MRPL13: variants seen among roughly 807,000 people sequenced by gnomAD.
MRPL13 encodes large ribosomal subunit protein uL13m.
MRPL13 carries 33 observed loss-of-function variants against 29.0 expected under a neutral mutation model. The observed-to-expected ratio is 1.14, with a 90% CI of 0.86 to 1.52. The LOEUF (loss-of-function observed/expected upper bound fraction) is 1.52, where lower values mean the gene tolerates loss of function less well. Among genes scored for constraint, MRPL13 ranks in the 40% most tolerant of loss-of-function variants. The pLI is 0.00. For missense variants in MRPL13, 227 were observed against 216.7 expected, an observed-to-expected ratio of 1.05 and a Z score of -0.30; for synonymous variants, 77 against 68.4, an observed-to-expected ratio of 1.13 and a Z score of -0.62.
chr8:120,431,901 T>C (rs1180695379), intron 3 of MRPL13, 129 bp downstream of exon 3: 28 of 603,534 alleles, frequency 4.6e-5, no homozygotes. Flanking sequence ...ATTATATACA[T>C]GGCATGAGTA....
rs1813142267 is a variant in MRPL13 at position 120,443,069 on chromosome 8, A to G, written c.151+116T>C. 4.8e-6 allele frequency: 5 copies of G among 1,033,440 alleles called. No individual in the cohort carries two copies. In the South Asian group the frequency reaches 1.7e-4, roughly 35 times the overall value. The allele number at this position is 1,033,440 out of a possible 1,614,324, so 64.0% of individuals were successfully genotyped here. On this transcript the variant is annotated intron_variant, in intron 2 of 6. Coordinates refer to ENST00000306185, the MANE Select transcript of MRPL13 (RefSeq NM_014078.6). ...TATGGTTTCAGCAAGAATGGAATAC[A>G]GGATCCTCAGGAAAAATAAAAAGGG...
chr8:120,421,343 C>T (rs1454749876), intron 4 of MRPL13, among the ~76,000 whole-genome samples: 1 of 151,760 alleles, frequency 6.6e-6, no homozygotes, highest in Non-Finnish European at 1.5e-5. Flanking sequence ...TAATCTACAT[C>T]ATTATGAAAA....
chr8:120,412,937 A>G, intron 6 of MRPL13, among the ~76,000 whole-genome samples: 1 of 152,294 alleles, frequency 6.6e-6, no homozygotes, highest in Admixed American at 6.5e-5. Flanking sequence ...AAAAATAAAA[A>G]TAAAAATAAA....
At chr8:120,437,381 G>T (rs906286268) in intron 2 of MRPL13, among the ~76,000 whole-genome samples, 5 of 152,068 alleles carry the variant, frequency 3.3e-5, no homozygotes, top group Non-Finnish European at 7.4e-5. Context: ...ATTCAATGCA[G>T]AACAGAAATA....
chr8:120,444,667 A>G (rs1813179302), intron 1 of MRPL13, among the ~76,000 whole-genome samples: 1 of 152,182 alleles, frequency 6.6e-6, no homozygotes, highest in Non-Finnish European at 1.5e-5. Flanking sequence ...CCCAGCAGCC[A>G]GAGTGCTCCT....
In MRPL13 at chr8:120,400,348, A is replaced by G. The variant is rs376889888; in HGVS notation, c.516-4223T>C. Among the ~76,000 whole-genome samples, 110 of 152,320 alleles carry G rather than the reference A, an allele frequency of 7.2e-4. 1 individual carries two copies. Among genetic ancestry groups the G allele is most frequent in the African/African-American group, 2.5e-3 (105 of 41,578 alleles). On this transcript the variant is annotated intron_variant, in intron 6 of 6. Coordinates refer to ENST00000306185, the MANE Select transcript of MRPL13 (RefSeq NM_014078.6). ...CACTCAAAACCACACAACTATATGG[A>G]AACCGAACAATCTGCTCCTGAATGA...
intron 6 of MRPL13, among the ~76,000 whole-genome samples, chr8:120,409,441 T>C (rs1170014562): frequency 6.6e-6 from 1 of 152,196 alleles, no homozygotes; most frequent in African/African-American, 2.4e-5. Flanking sequence ...GGTTGTGAAA[T>C]GTGTTGGCAA....
At chr8:120,442,939 G>A (rs1813140456) in intron 2 of MRPL13, among the ~76,000 whole-genome samples, 1 of 152,074 alleles carries the variant, frequency 6.6e-6, no homozygotes, top group South Asian at 2.1e-4. Flanking sequence ...GAAAAGAAGG[G>A]CTACTAATAA....
chr8:120,443,556 A>G (rs1040779016), intron 1 of MRPL13, among the ~76,000 whole-genome samples: 2 of 151,762 alleles, frequency 1.3e-5, no homozygotes, highest in African/African-American at 4.8e-5. Flanking sequence ...GTTTCCTGTT[A>G]GCAATATGAC....
chr8:120,426,865 T>C (rs1316806114), intron 3 of MRPL13, among the ~76,000 whole-genome samples: 2 of 152,144 alleles, frequency 1.3e-5, no homozygotes, highest in Non-Finnish European at 2.9e-5. Context: ...CTATTTAAAA[T>C]TAAACAATTC....
At chr8:120,404,208 A>G (rs912430205) in intron 6 of MRPL13, among the ~76,000 whole-genome samples, 1 of 152,198 alleles carries the variant, frequency 6.6e-6, no homozygotes, top group South Asian at 2.1e-4. Context: ...AGGTGGTGGT[A>G]ATGCAATTGG....
intron 3 of MRPL13, among the ~76,000 whole-genome samples, chr8:120,429,565 C>A (rs573832737): frequency 6.6e-6 from 1 of 151,476 alleles, no homozygotes; most frequent in African/African-American, 2.4e-5. Context: ...CCAAAATTTT[C>A]ATTTCAAAAA....
At position 120,399,200 on chromosome 8, in the gene MRPL13, C is replaced by T. The variant is rs191889643; in HGVS notation, c.516-3075G>A. 5.8e-4 allele frequency among the ~76,000 whole-genome samples: 88 copies of T among 152,218 alleles called. 1 individual carries two copies. Among genetic ancestry groups the T allele is most frequent in the Admixed American group, 5.6e-3 (86 of 15,292 alleles). Reference sequence around the variant, plus strand: ...CTTCAAGACACATAATCTTCAGATTCTCCAAGGTCAAAATAAAAGAAAAAA... The same window carrying T: ...CTTCAAGACACATAATCTTCAGATTTTCCAAGGTCAAAATAAAAGAAAAAA... On this transcript the variant is annotated intron_variant, in intron 6 of 6. Transcript: ENST00000306185.
intron 6 of MRPL13, among the ~76,000 whole-genome samples, chr8:120,412,474 A>G (rs1263547798): frequency 6.6e-6 from 1 of 152,194 alleles, no homozygotes; most frequent in Non-Finnish European, 1.5e-5. Flanking sequence ...AGTGGCTCTA[A>G]TTTACAACTG....
At chr8:120,410,025 A>T (rs557398036) in intron 6 of MRPL13, among the ~76,000 whole-genome samples, 2 of 152,342 alleles carry the variant, frequency 1.3e-5, no homozygotes, top group Admixed American at 6.5e-5. Flanking sequence ...TTTGTTAATC[A>T]TCTACTGGGT....
chr8:120,413,844 T>C, intron 6 of MRPL13, 147 bp downstream of exon 6: 1 of 1,044,854 alleles, frequency 9.6e-7, no homozygotes, highest in Non-Finnish European at 1.3e-6. Context: ...ACATCTAGAG[T>C]TTATTTGTAG....
At chr8:120,430,175 T>C (rs1812981840) in intron 3 of MRPL13, among the ~76,000 whole-genome samples, 1 of 152,084 alleles carries the variant, frequency 6.6e-6, no homozygotes, top group Non-Finnish European at 1.5e-5. Flanking sequence ...GGCAGGAGAA[T>C]TGCTTGAACC....
chr8:120,416,873 T>C (rs373882409), intron 5 of MRPL13, among the ~76,000 whole-genome samples: 4 of 152,214 alleles, frequency 2.6e-5, no homozygotes, highest in African/African-American at 9.6e-5. Flanking sequence ...AAAATTAACA[T>C]TGATGAAATA....
chr8:120,445,103 A>G lies in MRPL13; in HGVS notation c.-9T>C, dbSNP rs778688444. 6 of 1,613,884 alleles carry G rather than the reference A, an allele frequency of 3.7e-6. No homozygotes were observed. The Admixed American group carries it at 6.7e-5, about 18-fold the overall frequency. On this transcript the variant is annotated 5_prime_UTR_variant, in exon 1 of 7. Transcript: ENST00000306185. Reference sequence around the variant, plus strand: ...CTAGAGAAACTCGACATATTCCTCTACTAGCAGGACCGTACGTCCTTCTCC... The same window carrying G: ...CTAGAGAAACTCGACATATTCCTCTGCTAGCAGGACCGTACGTCCTTCTCC...
Sources: allele counts gnomAD v4.1 joint callset (sites outside exome capture counted in the v4.1 genomes callset), GRCh38; gene constraint gnomAD v4.1.1; transcripts MANE v1.5; gene names NCBI Gene and HGNC (gene_info 2026-07-23, HGNC 2026-07-21).